Variants in CCDC149 observed in about 807,000 individuals in gnomAD.
CCDC149 encodes the protein coiled-coil domain containing 149, also known as coiled-coil domain-containing protein 149.
In CCDC149, 45 loss-of-function variants were observed where a neutral mutation model predicts 59.9. The ratio of observed to expected loss-of-function variants is 0.75; its 90% CI spans 0.59 to 0.96. The LOEUF (loss-of-function observed/expected upper bound fraction) is 0.96. Ranked by LOEUF, CCDC149 falls within the 40% of genes least tolerant of loss-of-function variation. CCDC149 has a pLI of 0.00. For missense variants in CCDC149, 584 were observed against 664.7 expected, an observed-to-expected ratio of 0.88 and a Z score of 1.33; for synonymous variants, 245 against 260.6, an observed-to-expected ratio of 0.94 and a Z score of 0.58.
intron 9 of CCDC149, among the ~76,000 whole-genome samples, chr4:24,823,643 C>T (rs73101577): frequency 0.01 from 1,583 of 152,296 alleles, 30 homozygotes; most frequent in African/African-American, 0.036. Flanking sequence ...CACACACCCA[C>T]ATACACACAG....
chr4:24,881,767 G>T (rs1410576102), intron 1 of CCDC149, among the ~76,000 whole-genome samples: 7 of 152,182 alleles, frequency 4.6e-5, no homozygotes, highest in African/African-American at 1.7e-4. Context: ...AAAAAGCAAG[G>T]TTTTGTAACA....
At chr4:24,908,258 T>C (rs573820360) in intron 1 of CCDC149, among the ~76,000 whole-genome samples, 2 of 152,248 alleles carry the variant, frequency 1.3e-5, no homozygotes, top group African/African-American at 2.4e-5. Flanking sequence ...TTTTGATCTT[T>C]TGTACCAAGA....
In CCDC149 at chr4:24,837,363, T is replaced by C; in HGVS notation, c.527A>G (p.Asp176Gly). The C allele has an allele frequency of 6.2e-7, 1 of 1,614,146 alleles. No individual in the cohort carries two copies. Among genetic ancestry groups the C allele is most frequent in the Non-Finnish European group, 8.5e-7 (1 of 1,180,020 alleles). Residue 176 changes from aspartate to glycine, a missense_variant, in exon 6 of 13, where the codon GAC becomes GGC. Transcript: ENST00000635206. This position sits in a 1 kb window ranked among gnomAD's most constrained non-coding sequence, Gnocchi z 4.3. ...TTCTTCTTTAACATCCTGAAGCTCG[T>C]CCACAGAAGCCTGCAGGTCGTGCTC...
chr4:24,912,869 T>C lies in CCDC149; in HGVS notation c.11A>G (p.Glu4Gly). 1 of 1,368,492 alleles carries C rather than the reference T, an allele frequency of 7.3e-7. No homozygotes were observed. The highest frequency in any genetic ancestry group is 1.4e-5 in the South Asian group (1 of 69,572). 84.8% of individuals were successfully genotyped at this position (1,368,492 alleles called of 1,614,324 possible). The change falls in exon 1 of 13, where the codon GAG (glutamate) becomes GGG (glycine). Residue 4 changes from glutamate to glycine, a missense_variant. By Grantham distance (98) the Glu-to-Gly change is moderately conservative. Transcript: ENST00000635206. ...CTCAGTCCGGTCGCCGTTCATGGCC[T>C]CCTCCTCCATGCGCTGGCCGGCCTC...
In CCDC149 at chr4:24,808,533, C is replaced by T. The variant is rs527861291; in HGVS notation, c.1479G>A (p.Pro493=). The T allele has an allele frequency of 5.9e-5, 91 of 1,543,370 alleles. No homozygotes were observed. The highest frequency in any genetic ancestry group is 3.2e-4 in the East Asian group (13 of 40,828). ...GCTCCCCCTGGATGGCCAGGCCTGG[C>T]GGGGCTGGCCCCGTCTCACTCCTCT... The change falls in exon 13 of 13, where the codon CCG becomes CCA. Residue 493 remains proline, a synonymous_variant. Coordinates refer to ENST00000635206, the MANE Select transcript of CCDC149 (RefSeq NM_001330643.2).
intron 3 of CCDC149, among the ~76,000 whole-genome samples, chr4:24,872,532 G>A (rs1327747261): frequency 7.1e-6 from 1 of 140,202 alleles, no homozygotes; most frequent in Admixed American, 7.0e-5. Context: ...ACCCACAGAA[G>A]AGCATGCACC....
intron 1 of CCDC149, among the ~76,000 whole-genome samples, chr4:24,953,903 C>A (rs1374712153): frequency 6.6e-6 from 1 of 151,404 alleles, no homozygotes; most frequent in African/African-American, 2.4e-5. Context: ...AAACAAAAGG[C>A]TCACTAGAAA....
rs1467076410 is a variant in CCDC149 at position 24,808,367 on chromosome 4, T to C, written c.*22A>G. On this transcript the variant is annotated 3_prime_UTR_variant, in exon 13 of 13. Transcript: ENST00000635206. ...CCTCTCTGGGGCTTTCAATGTGTCA[T>C]TGTGTCAGATCCCTCTCCCCTTCAG... 9 of 1,440,888 alleles carry C rather than the reference T, an allele frequency of 6.2e-6. No homozygotes were observed. The highest frequency in any genetic ancestry group is 2.9e-5 in the African/African-American group (2 of 69,634). 89.3% of individuals were successfully genotyped at this position (1,440,888 alleles called of 1,614,324 possible).
chr4:24,931,327 A>ATATATATATATATC (rs1240114158), intron 1 of CCDC149, among the ~76,000 whole-genome samples: 2 of 147,308 alleles, frequency 1.4e-5, no homozygotes, highest in Non-Finnish European at 3.0e-5. Flanking sequence ...ATATATATAT[A>ATATATATATATATC]TATATCTCAG....
At chr4:24,885,651 C>T (rs1450960072) in intron 1 of CCDC149, among the ~76,000 whole-genome samples, 4 of 152,180 alleles carry the variant, frequency 2.6e-5, no homozygotes, top group African/African-American at 4.8e-5. Context: ...GGAAATATCC[C>T]ACTTTCTGGT....
chr4:24,901,856 C>A (rs137989400), intron 1 of CCDC149, among the ~76,000 whole-genome samples: 15 of 152,190 alleles, frequency 9.9e-5, no homozygotes, highest in Non-Finnish European at 2.2e-4. Flanking sequence ...TCCTGCTAGC[C>A]GTAACTTGCT....
chr4:24,824,289 C>T (rs974151970), intron 9 of CCDC149, among the ~76,000 whole-genome samples: 1 of 152,190 alleles, frequency 6.6e-6, no homozygotes, highest in African/African-American at 2.4e-5. Flanking sequence ...TTTGTCAGTG[C>T]TTTCTTCTCT....
At chr4:24,921,581 G>A (rs1464819823) in intron 1 of CCDC149, among the ~76,000 whole-genome samples, 2 of 152,174 alleles carry the variant, frequency 1.3e-5, no homozygotes, top group African/African-American at 4.8e-5. Flanking sequence ...GCATGTAAAT[G>A]TTTGGTGCCC....
At chr4:24,828,116 A>G (rs1351232471) in intron 9 of CCDC149, 1 of 152,198 alleles carries the variant, frequency 6.6e-6, no homozygotes, top group African/African-American at 2.4e-5. Flanking sequence ...TATTAAAAGT[A>G]TGAAACAGAG....
chr4:24,857,431 A>G (rs1170927155), intron 3 of CCDC149, among the ~76,000 whole-genome samples: 1 of 152,254 alleles, frequency 6.6e-6, no homozygotes, highest in African/African-American at 2.4e-5. Context: ...GTTTCTGAAC[A>G]CTTACTCTCA....
intron 3 of CCDC149, among the ~76,000 whole-genome samples, chr4:24,868,602 C>T (rs751478195): frequency 3.9e-5 from 6 of 152,170 alleles, no homozygotes; most frequent in Non-Finnish European, 7.3e-5. Context: ...CAAACCCAGA[C>T]ACCTTGGGGA....
intron 1 of CCDC149, among the ~76,000 whole-genome samples, chr4:24,938,417 G>C (rs888525206): frequency 5.3e-5 from 8 of 152,190 alleles, no homozygotes; most frequent in African/African-American, 1.9e-4. Flanking sequence ...ATTCTGGGGG[G>C]ATGGAGCCAA....
intron 11 of CCDC149, 50 bp from the exon 12 acceptor site, chr4:24,820,025 G>C: frequency 7.2e-7 from 1 of 1,395,638 alleles, no homozygotes; most frequent in Non-Finnish European, 9.8e-7. Context: ...AGTGGAGTTG[G>C]GTTGCATTTA....
chr4:24,880,527 A>G (rs1241884452), intron 1 of CCDC149, among the ~76,000 whole-genome samples: 1 of 152,260 alleles, frequency 6.6e-6, no homozygotes, highest in Non-Finnish European at 1.5e-5. Context: ...TCATTCTAAA[A>G]AAGTAAAAGT....
Sources: allele counts gnomAD v4.1 joint callset (sites outside exome capture counted in the v4.1 genomes callset), GRCh38; gene constraint gnomAD v4.1.1; non-coding constraint Gnocchi (gnomAD v3.1); transcripts MANE v1.5; gene names NCBI Gene and HGNC (gene_info 2026-07-23, HGNC 2026-07-21).